The following NDST4 variants were observed in gnomAD, a reference collection of about 807,000 sequenced individuals.
NDST4 encodes N-deacetylase and N-sulfotransferase 4, also known as N-heparan sulfate sulfotransferase 4.
A neutral mutation model predicts 100.8 loss-of-function variants in NDST4; 63 were observed. That is an observed-to-expected ratio of 0.62 (90% confidence interval 0.51 to 0.77). The LOEUF (loss-of-function observed/expected upper bound fraction) is 0.77, where lower values mean the gene tolerates loss of function less well. Ranked by LOEUF, NDST4 falls within the 30% of genes least tolerant of loss-of-function variation. The pLI is 0.00. For synonymous variants in NDST4, 377 were observed against 361.8 expected (o/e 1.04, Z -0.48); for missense variants, 943 against 1,018.4 (o/e 0.93, Z 1.01).
chr4:115,102,802 G>A lies in NDST4; in HGVS notation c.-247+10642C>T, dbSNP rs563051428. ...CAGTTCATTGCAACCTCCACCTCCCGGGTTCAAGCGATTCTTTTGCCTCAG... is the reference window on the plus strand; with the variant it reads ...CAGTTCATTGCAACCTCCACCTCCCAGGTTCAAGCGATTCTTTTGCCTCAG... On this transcript the variant is annotated intron_variant, in intron 1 of 13. Transcript: ENST00000264363. Among the ~76,000 whole-genome samples, 11 of 130,676 alleles carry A rather than the reference G, an allele frequency of 8.4e-5. No individual in the cohort carries two copies. In the South Asian group the frequency reaches 2.4e-3, roughly 29 times the overall value. 85.7% of individuals were successfully genotyped at this position (130,676 alleles called of 152,430 possible).
intron 4 of NDST4, among the ~76,000 whole-genome samples, chr4:114,964,376 C>G (rs564810947): frequency 2.6e-5 from 4 of 152,312 alleles, no homozygotes; most frequent in African/African-American, 9.6e-5. Flanking sequence ...TTATTTCATA[C>G]TCAACTTCCT....
intron 1 of NDST4, among the ~76,000 whole-genome samples, chr4:115,099,444 C>T: frequency 6.6e-6 from 1 of 151,786 alleles, no homozygotes; most frequent in East Asian, 1.9e-4. Context: ...CCAAAATATA[C>T]AAAGAACTCT....
chr4:115,020,825 T>C (rs1727794974), intron 2 of NDST4, among the ~76,000 whole-genome samples: 1 of 151,362 alleles, frequency 6.6e-6, no homozygotes, highest in Admixed American at 6.6e-5. Flanking sequence ...TCATCTCCAC[T>C]AATGATCAGG....
At chr4:114,998,975 C>T (rs570498318) in intron 2 of NDST4, among the ~76,000 whole-genome samples, 1 of 152,094 alleles carries the variant, frequency 6.6e-6, no homozygotes, top group Admixed American at 6.6e-5. Context: ...TATCTCATAT[C>T]ATAATCACAC....
chr4:115,035,603 A>C (rs1338370066), intron 2 of NDST4, among the ~76,000 whole-genome samples: 1 of 152,096 alleles, frequency 6.6e-6, no homozygotes, highest in Non-Finnish European at 1.5e-5. Flanking sequence ...ATATTAAAAT[A>C]CATGCTGTGT....
At chr4:114,840,223 C>G (rs1341153927) in intron 10 of NDST4, among the ~76,000 whole-genome samples, 2 of 152,304 alleles carry the variant, frequency 1.3e-5, no homozygotes, top group Admixed American at 6.5e-5. Context: ...TGCTTCACTT[C>G]TACTTTTCAG....
chr4:114,848,021 A>G (rs541951556), intron 9 of NDST4, among the ~76,000 whole-genome samples, 194 bp downstream of exon 9: 1 of 152,332 alleles, frequency 6.6e-6, no homozygotes, highest in East Asian at 1.9e-4. Flanking sequence ...GCAGAAAAAT[A>G]TTATCATTAT....
intron 13 of NDST4, 124 bp downstream of exon 13, chr4:114,829,666 G>T: frequency 1.6e-6 from 1 of 615,380 alleles, no homozygotes; most frequent in Non-Finnish European, 2.8e-6. Flanking sequence ...CATCCTCTAA[G>T]TATATAAAAT....
At chr4:114,986,832 A>ATATATATATATATATATATATATTTT in intron 2 of NDST4, among the ~76,000 whole-genome samples, 5 of 94,642 alleles carry the variant, frequency 5.3e-5, no homozygotes, top group Non-Finnish European at 8.7e-5. Flanking sequence ...ATATATATAT[A>ATATATATATATATATATATATATTTT]TTTTAATATA....
intron 1 of NDST4, among the ~76,000 whole-genome samples, chr4:115,109,199 G>C (rs1340220868): frequency 6.6e-6 from 1 of 151,790 alleles, no homozygotes; most frequent in African/African-American, 2.4e-5. Flanking sequence ...CTAATGAAAA[G>C]AGATTAAGGA....
intron 2 of NDST4, among the ~76,000 whole-genome samples, chr4:115,015,776 T>G (rs1474224760): frequency 6.6e-6 from 1 of 152,034 alleles, no homozygotes; most frequent in Admixed American, 6.6e-5. Context: ...GGAATAAATG[T>G]TATCCACGGG....
At chr4:114,880,896 T>C (rs1017741914) in intron 6 of NDST4, among the ~76,000 whole-genome samples, 1 of 152,068 alleles carries the variant, frequency 6.6e-6, no homozygotes, top group Non-Finnish European at 1.5e-5. Context: ...GAGTAGAGAA[T>C]CTTCACGTGA....
rs921625910 is a variant in NDST4 at position 114,989,430 on chromosome 4, T to C, written c.979-12156A>G. ...TCAAGAAATATTTAAGCAGCTAATATAGTCCAGCTGTTGTAGGGACTGGAG... is the reference window on the plus strand; with the variant it reads ...TCAAGAAATATTTAAGCAGCTAATACAGTCCAGCTGTTGTAGGGACTGGAG... On this transcript the variant is annotated intron_variant, in intron 2 of 13. Coordinates refer to ENST00000264363, the MANE Select transcript of NDST4 (RefSeq NM_022569.3). 2.6e-5 allele frequency among the ~76,000 whole-genome samples: 4 copies of C among 152,202 alleles called. No individual in the cohort carries two copies. The East Asian group carries it at 7.7e-4, about 29-fold the overall frequency.
chr4:114,967,085 C>A (rs931315120), intron 4 of NDST4, among the ~76,000 whole-genome samples: 3 of 151,974 alleles, frequency 2.0e-5, no homozygotes, highest in African/African-American at 7.2e-5. Flanking sequence ...TCTAAAGTGT[C>A]AGCTGGATGT....
chr4:114,906,683 A>T (rs1355785057), intron 6 of NDST4, among the ~76,000 whole-genome samples: 3 of 152,028 alleles, frequency 2.0e-5, no homozygotes, highest in South Asian at 2.1e-4. Context: ...ATCTTAAGAG[A>T]TATAGCTTAT....
intron 7 of NDST4, among the ~76,000 whole-genome samples, chr4:114,864,142 A>G (rs1221888533): frequency 6.6e-6 from 1 of 152,220 alleles, no homozygotes; most frequent in Non-Finnish European, 1.5e-5. Flanking sequence ...ACACCATGGA[A>G]TTATCAATTC....
intron 1 of NDST4, among the ~76,000 whole-genome samples, chr4:115,100,481 C>T (rs1259821403): frequency 6.6e-6 from 1 of 151,690 alleles, no homozygotes; most frequent in African/African-American, 2.4e-5. Context: ...TAAGTCTATT[C>T]AAAAAAAGAG....
chr4:114,852,302 C>A (rs1038988934), intron 8 of NDST4, among the ~76,000 whole-genome samples: 2 of 152,014 alleles, frequency 1.3e-5, no homozygotes, highest in Non-Finnish European at 2.9e-5. Flanking sequence ...ATGGCAGTGA[C>A]TGAATAAAAA....
At chr4:114,838,157 A>G (rs1723342390) in intron 11 of NDST4, among the ~76,000 whole-genome samples, 1 of 152,222 alleles carries the variant, frequency 6.6e-6, no homozygotes, top group Non-Finnish European at 1.5e-5. Flanking sequence ...ATCATTAGAA[A>G]GTCAGGAAAC....
Sources: allele counts gnomAD v4.1 joint callset (sites outside exome capture counted in the v4.1 genomes callset), GRCh38; gene constraint gnomAD v4.1.1; transcripts MANE v1.5; gene names NCBI Gene and HGNC (gene_info 2026-07-23, HGNC 2026-07-21).